Variants in MACROD2 observed in about 807,000 individuals in gnomAD.
MACROD2 encodes the protein mono-ADP ribosylhydrolase 2.
MACROD2 carries 36 observed loss-of-function variants against 70.4 expected under a neutral mutation model. The ratio of observed to expected loss-of-function variants is 0.51; its 90% CI spans 0.39 to 0.68. MACROD2 has a LOEUF of 0.68. Ranked by LOEUF, MACROD2 falls within the 30% of genes least tolerant of loss-of-function variation. The pLI is 0.00. For synonymous variants in MACROD2, 172 were observed against 178.8 expected (o/e 0.96, Z 0.30); for missense variants, 496 against 538.4 (o/e 0.92, Z 0.78).
At chr20:15,150,449 C>T (rs1020331980) in intron 5 of MACROD2, among the ~76,000 whole-genome samples, 17 of 151,834 alleles carry the variant, frequency 1.1e-4, no homozygotes, top group South Asian at 4.2e-4. Flanking sequence ...AAGACTTGTC[C>T]GGTTTTTGGA....
At chr20:14,905,119 A>T (rs776066452) in intron 5 of MACROD2, 3 of 152,154 alleles carry the variant, frequency 2.0e-5, no homozygotes, top group Non-Finnish European at 4.4e-5. Context: ...ACAAGGTGAC[A>T]TTTACACAAG....
At chr20:14,228,613 T>G (rs1266682415) in intron 3 of MACROD2, among the ~76,000 whole-genome samples, 8 of 152,210 alleles carry the variant, frequency 5.3e-5, no homozygotes, top group Non-Finnish European at 1.2e-4. Flanking sequence ...CTTAATGGAA[T>G]ATTATGTATG....
chr20:14,570,958 C>T (rs181145709), intron 4 of MACROD2, among the ~76,000 whole-genome samples: 15 of 152,140 alleles, frequency 9.9e-5, no homozygotes, highest in Admixed American at 3.3e-4. Context: ...TCCCACGTAT[C>T]TCCAATTCCA....
chr20:14,355,629 C>T (rs2083164984), intron 3 of MACROD2, among the ~76,000 whole-genome samples: 1 of 151,936 alleles, frequency 6.6e-6, no homozygotes, highest in African/African-American at 2.4e-5. Context: ...GCATATAAAA[C>T]TCTACATGTC....
At chr20:15,008,514 A>T (rs1191204057) in intron 5 of MACROD2, among the ~76,000 whole-genome samples, 1 of 152,216 alleles carries the variant, frequency 6.6e-6, no homozygotes, top group East Asian at 1.9e-4. Flanking sequence ...AGAGGAAAGC[A>T]AAGATGACCT....
At chr20:14,683,038 C>G (rs1420632113) in intron 4 of MACROD2, among the ~76,000 whole-genome samples, 4 of 152,034 alleles carry the variant, frequency 2.6e-5, no homozygotes, top group Non-Finnish European at 4.4e-5. Context: ...CACCACCACA[C>G]CCGGCTAATT....
intron 11 of MACROD2, among the ~76,000 whole-genome samples, chr20:15,936,671 G>GTGTGTATA (rs1555797416): frequency 1.4e-5 from 2 of 143,268 alleles, no homozygotes; most frequent in African/African-American, 5.2e-5. Flanking sequence ...GTATATGTGT[G>GTGTGTATA]TATATATATA....
intron 6 of MACROD2, among the ~76,000 whole-genome samples, chr20:15,267,059 G>A (rs1769693866): frequency 1.3e-5 from 2 of 152,178 alleles, no homozygotes; most frequent in South Asian, 4.1e-4. Context: ...AGAGGGGATG[G>A]GCAGGAAGGA....
chr20:15,695,758 T>C (rs1300392673), intron 8 of MACROD2, among the ~76,000 whole-genome samples: 1 of 151,784 alleles, frequency 6.6e-6, no homozygotes, highest in Non-Finnish European at 1.5e-5. Context: ...GTAGAGGTCT[T>C]TTGACTCCTT....
chr20:16,038,867 G>A (rs2067270453), intron 15 of MACROD2, among the ~76,000 whole-genome samples: 2 of 151,920 alleles, frequency 1.3e-5, no homozygotes. Context: ...TGACAGCAGA[G>A]CACTATAATT....
chr20:15,079,704 T>A (rs996039001), intron 5 of MACROD2, among the ~76,000 whole-genome samples: 1 of 152,052 alleles, frequency 6.6e-6, no homozygotes, highest in African/African-American at 2.4e-5. Context: ...TCACCACCAG[T>A]TAAGTCCTCC....
chr20:15,988,442 G>C (rs1247177563), intron 15 of MACROD2, among the ~76,000 whole-genome samples: 1 of 152,028 alleles, frequency 6.6e-6, no homozygotes, highest in African/African-American at 2.4e-5. Flanking sequence ...TGCATTTCAA[G>C]AAATGCAAAT....
At chr20:15,931,892 C>T (rs2065584481) in intron 10 of MACROD2, among the ~76,000 whole-genome samples, 1 of 152,110 alleles carries the variant, frequency 6.6e-6, no homozygotes, top group African/African-American at 2.4e-5. Flanking sequence ...AAATGCTTCC[C>T]CACTGCTTCT....
chr20:15,143,305 T>C (rs926739291), intron 5 of MACROD2, among the ~76,000 whole-genome samples: 3 of 152,242 alleles, frequency 2.0e-5, no homozygotes, highest in African/African-American at 7.2e-5. Flanking sequence ...TGCATAAATG[T>C]CTTCTTTTGA....
At chr20:15,026,158 T>C (rs1032643281) in intron 5 of MACROD2, among the ~76,000 whole-genome samples, 1 of 152,172 alleles carries the variant, frequency 6.6e-6, no homozygotes, top group Non-Finnish European at 1.5e-5. Flanking sequence ...GCTTCCCTGG[T>C]CTCTTTCCTC....
intron 6 of MACROD2, among the ~76,000 whole-genome samples, chr20:15,285,336 G>C (rs569412736): frequency 6.6e-5 from 10 of 152,288 alleles, no homozygotes; most frequent in African/African-American, 2.4e-4. Flanking sequence ...TTATCCATTA[G>C]AGCAAAAGCT....
At chr20:14,076,368 G>A (rs1171588986) in intron 2 of MACROD2, among the ~76,000 whole-genome samples, 4 of 151,886 alleles carry the variant, frequency 2.6e-5, no homozygotes, top group Non-Finnish European at 2.9e-5. Context: ...AAGTTCATAC[G>A]GGCTGGATGT....
intron 3 of MACROD2, among the ~76,000 whole-genome samples, chr20:14,330,584 A>G (rs905546580): frequency 6.6e-6 from 1 of 152,114 alleles, no homozygotes; most frequent in Non-Finnish European, 1.5e-5. Flanking sequence ...CAACATGGTC[A>G]TAGGCTATAT....
rs373003336 is a variant in MACROD2 at position 14,326,610 on chromosome 20, T to C, written c.272-166869T>C. On this transcript the variant is annotated intron_variant, in intron 3 of 17. Transcript: ENST00000684519. The surrounding 1 kb of genome is among the most constrained non-coding windows in gnomAD (Gnocchi z 5.5). ...ACCAGGGATTGTTGCGAAGAATCAGTTGTGTTATATTGTCCAAATCATCAA... is the reference window on the plus strand; with the variant it reads ...ACCAGGGATTGTTGCGAAGAATCAGCTGTGTTATATTGTCCAAATCATCAA... The C allele has an allele frequency of 1.4e-5, 22 of 1,613,840 alleles. No homozygotes were observed. The African/African-American group carries it at 1.9e-4, about 14-fold the overall frequency.
Sources: allele counts gnomAD v4.1 joint callset (sites outside exome capture counted in the v4.1 genomes callset), GRCh38; gene constraint gnomAD v4.1.1; non-coding constraint Gnocchi (gnomAD v3.1); transcripts MANE v1.5; gene names NCBI Gene and HGNC (gene_info 2026-07-23, HGNC 2026-07-21).